NPY2R: variants seen among roughly 807,000 people sequenced by gnomAD.
NPY2R encodes neuropeptide Y receptor type 2.
Under a neutral mutation model 22.3 loss-of-function variants are expected in NPY2R, and 17 were observed. That is an observed-to-expected ratio of 0.76 (90% CI 0.52 to 1.14). The LOEUF is 1.14. NPY2R is among the 50% of genes most tolerant of loss of function. The pLI, the probability that NPY2R is intolerant of heterozygous loss-of-function variation, is 0.00. For missense variants in NPY2R, 424 were observed against 467.9 expected, an observed-to-expected ratio of 0.91 and a Z score of 0.87; for synonymous variants, 209 against 183.4, an observed-to-expected ratio of 1.14 and a Z score of -1.13.
At chr4:155,197,492 A>G in the NPY2R span, among the ~76,000 whole-genome samples, 5 of 151,278 alleles carry the variant, frequency 3.3e-5, no homozygotes, top group East Asian at 9.8e-4. Flanking sequence ...TTCTTTCCTG[A>G]CTAGGAGGAG....
At chr4:155,195,974 G>T in the NPY2R span, among the ~76,000 whole-genome samples, 1 of 151,962 alleles carries the variant, frequency 6.6e-6, no homozygotes, top group Non-Finnish European at 1.5e-5. Flanking sequence ...TCCAGAAAAC[G>T]AAAGTTTTAT....
At chr4:155,213,737 T>C (rs988224774) in intron 1 of NPY2R, among the ~76,000 whole-genome samples, 155 bp from the exon 2 acceptor site, 5 of 152,254 alleles carry the variant, frequency 3.3e-5, no homozygotes, top group African/African-American at 7.2e-5. Flanking sequence ...TAAAATGTTT[T>C]GCTATGCACA....
chr4:155,177,067 G>T, the NPY2R span, among the ~76,000 whole-genome samples: 1 of 152,122 alleles, frequency 6.6e-6, no homozygotes, highest in Admixed American at 6.5e-5. Context: ...CAAACCATAA[G>T]ATTCTGACAC....
the NPY2R span, among the ~76,000 whole-genome samples, chr4:155,188,037 C>A: frequency 6.6e-6 from 1 of 152,258 alleles, no homozygotes; most frequent in Non-Finnish European, 1.5e-5. Flanking sequence ...AACAATGCTT[C>A]TGAATATCAT....
the NPY2R span, among the ~76,000 whole-genome samples, chr4:155,176,631 A>C: frequency 6.6e-6 from 1 of 152,130 alleles, no homozygotes; most frequent in African/African-American, 2.4e-5. Flanking sequence ...CAGATCTTTA[A>C]CATTTACTCA....
At chr4:155,202,763 T>C in the NPY2R span, among the ~76,000 whole-genome samples, 3 of 152,122 alleles carry the variant, frequency 2.0e-5, no homozygotes, top group Admixed American at 2.0e-4. Flanking sequence ...TTAAAAAAAT[T>C]AAAACTTAAA....
Position 155,209,368 on chromosome 4 carries a change from A to G in NPY2R, c.-49+299A>G, listed in dbSNP as rs1198975974. On this transcript the variant is annotated intron_variant, in intron 1 of 1. Coordinates refer to ENST00000329476, the MANE Select transcript of NPY2R (RefSeq NM_000910.4). ...GTTCCTGCCTCTTTAAAAATCAAAC[A>G]CTTGTCTAAAGCAGAAGGTCCTATT... 2.0e-5 allele frequency among the ~76,000 whole-genome samples: 3 copies of G among 152,120 alleles called. No homozygotes were observed. In the East Asian group the frequency reaches 5.8e-4, roughly 29 times the overall value.
chr4:155,216,388 TA>T lies in NPY2R; in HGVS notation c.*1308del, dbSNP rs1332478071. On this transcript the variant is annotated 3_prime_UTR_variant, in exon 2 of 2. Transcript: ENST00000329476. ...TCAATAGTACCCAACCAAAGATGCTTAAAAACCTTCTATGTTCATAAAAAAT... is the reference window on the plus strand; with the variant it reads ...TCAATAGTACCCAACCAAAGATGCTTAAAACCTTCTATGTTCATAAAAAAT... 1 of 166,770 alleles carries T rather than the reference TA, an allele frequency of 6.0e-6. No individual in the cohort carries two copies. Among genetic ancestry groups the T allele is most frequent in the Non-Finnish European group, 1.5e-5 (1 of 68,030 alleles). The allele number at this position is 166,770 out of a possible 1,614,324, so 10.3% of individuals were successfully genotyped here. A position where few individuals can be genotyped will look rare whatever the true frequency, so the allele number is the denominator to read the frequency against.
At chr4:155,181,761 A>G in the NPY2R span, among the ~76,000 whole-genome samples, 18 of 152,306 alleles carry the variant, frequency 1.2e-4, no homozygotes, top group East Asian at 3.3e-3. Flanking sequence ...AGTTGTCTAC[A>G]AACTACCCAG....
chr4:155,215,237 G>T lies in NPY2R; in HGVS notation c.*152G>T. On this transcript the variant is annotated 3_prime_UTR_variant, in exon 2 of 2. Transcript: ENST00000329476. ...CTGTTTAATTCCTGGAAAACTGGCT[G>T]GGCAGAGCCTGTGTGAAAATACTGG... is the stretch of plus-strand genomic sequence containing the variant. The T allele has an allele frequency of 1.3e-6, 1 of 784,672 alleles. No homozygotes were observed. Among genetic ancestry groups the T allele is most frequent in the Admixed American group, 2.1e-5 (1 of 47,960 alleles). 48.6% of individuals were successfully genotyped at this position (784,672 alleles called of 1,614,324 possible).
chr4:155,215,328 GT>G lies in NPY2R; in HGVS notation c.*244del, dbSNP rs1729493943. 1 of 590,226 alleles carries G rather than the reference GT, an allele frequency of 1.7e-6. No individual in the cohort carries two copies. The highest frequency in any genetic ancestry group is 1.9e-5 in the African/African-American group (1 of 53,354). The allele number at this position is 590,226 out of a possible 1,614,324, so 36.6% of individuals were successfully genotyped here. ...GGTTGGGTAGTAGGTTGCATTATGAGTAAAAGCAGAGAGAAGTACTTTTGAT... is the reference window on the plus strand; with the variant it reads ...GGTTGGGTAGTAGGTTGCATTATGAGAAAAGCAGAGAGAAGTACTTTTGAT... On this transcript the variant is annotated 3_prime_UTR_variant, in exon 2 of 2. Transcript: ENST00000329476.
the NPY2R span, among the ~76,000 whole-genome samples, chr4:155,179,898 G>A: frequency 1.3e-5 from 2 of 152,034 alleles, no homozygotes; most frequent in African/African-American, 4.8e-5. Context: ...TTTTCTCTTG[G>A]AAGAAAGCTG....
chr4:155,199,771 T>C, the NPY2R span, among the ~76,000 whole-genome samples: 2 of 152,126 alleles, frequency 1.3e-5, no homozygotes, highest in Admixed American at 6.6e-5. Flanking sequence ...TTTCCTTATT[T>C]AATAAATGGT....
At chr4:155,187,907 G>A in the NPY2R span, among the ~76,000 whole-genome samples, 61 of 152,170 alleles carry the variant, frequency 4.0e-4, no homozygotes, top group Middle Eastern at 3.4e-3. Context: ...CAACTGCAGT[G>A]GACAAAAATA....
chr4:155,192,538 T>TATAGAA, the NPY2R span, among the ~76,000 whole-genome samples: 2 of 151,996 alleles, frequency 1.3e-5, no homozygotes, highest in Non-Finnish European at 2.9e-5. Flanking sequence ...TCAGTCTGCA[T>TATAGAA]AATATGCAAT....
rs771072479 is a variant in NPY2R at position 155,215,098 on chromosome 4, G to A, written c.*13G>A. 5.0e-5 allele frequency: 80 copies of A among 1,610,398 alleles called. No individual in the cohort carries two copies. Among genetic ancestry groups the A allele is most frequent in the Non-Finnish European group, 6.6e-5 (78 of 1,178,258 alleles). On this transcript the variant is annotated 3_prime_UTR_variant, in exon 2 of 2. Transcript: ENST00000329476. Reference sequence around the variant, plus strand: ...TACCAATGTCTAAGGAAGCTGTGGTGTGAAAATGTATGGATGAATTCTGAC... The same window carrying A: ...TACCAATGTCTAAGGAAGCTGTGGTATGAAAATGTATGGATGAATTCTGAC...
chr4:155,175,756 A>G, the NPY2R span, among the ~76,000 whole-genome samples: 1 of 152,092 alleles, frequency 6.6e-6, no homozygotes, highest in African/African-American at 2.4e-5. Flanking sequence ...TCCAAGTGAT[A>G]GTGGTTAAAC....
At chr4:155,193,278 A>G in the NPY2R span, among the ~76,000 whole-genome samples, 1 of 151,940 alleles carries the variant, frequency 6.6e-6, no homozygotes. Context: ...TGAAGCCCAG[A>G]GGACTTGTCC....
chr4:155,185,562 A>T, the NPY2R span, among the ~76,000 whole-genome samples: 4 of 151,976 alleles, frequency 2.6e-5, no homozygotes, highest in Non-Finnish European at 5.9e-5. Flanking sequence ...AATATGGAGC[A>T]TAAAAAAACT....
Sources: allele counts gnomAD v4.1 joint callset (sites outside exome capture counted in the v4.1 genomes callset), GRCh38; gene constraint gnomAD v4.1.1; transcripts MANE v1.5; gene names NCBI Gene and HGNC (gene_info 2026-07-23, HGNC 2026-07-21).